GNA12: variants seen among roughly 807,000 people sequenced by gnomAD.
GNA12 encodes G protein subunit alpha 12, also known as guanine nucleotide-binding protein subunit alpha-12.
In GNA12, 9 loss-of-function variants were observed where a neutral mutation model predicts 26.0. That is an observed-to-expected ratio of 0.35 (90% CI 0.21 to 0.60). The LOEUF (loss-of-function observed/expected upper bound fraction) is 0.60. GNA12 is among the 20% of genes least tolerant of loss of function. GNA12 has a pLI of 0.78. For missense variants in GNA12, 405 were observed against 525.8 expected (o/e 0.77, Z 2.25); for synonymous variants, 264 against 219.6 (o/e 1.20, Z -1.79).
chr7:2,790,074 G>A (rs1453794992), intron 2 of GNA12, among the ~76,000 whole-genome samples: 4 of 152,120 alleles, frequency 2.6e-5, no homozygotes, highest in Admixed American at 2.0e-4. Flanking sequence ...CTGCCCTGCC[G>A]GCTGCTTTCC....
At chr7:2,780,232 T>C (rs959685407) in intron 2 of GNA12, among the ~76,000 whole-genome samples, 1 of 151,746 alleles carries the variant, frequency 6.6e-6, no homozygotes, top group Non-Finnish European at 1.5e-5. Flanking sequence ...GACAATATTC[T>C]ATCACATGGT....
At chr7:2,812,964 GAC>G (rs1431727220) in intron 1 of GNA12, among the ~76,000 whole-genome samples, 1 of 152,152 alleles carries the variant, frequency 6.6e-6, no homozygotes, top group Non-Finnish European at 1.5e-5. Flanking sequence ...TATGTTTAGA[GAC>G]AGAGTCTCGC....
At chr7:2,838,232 C>T (rs560186065) in intron 1 of GNA12, among the ~76,000 whole-genome samples, 1 of 148,186 alleles carries the variant, frequency 6.7e-6, no homozygotes, top group Non-Finnish European at 1.5e-5. Flanking sequence ...CATATGTATA[C>T]TGTAAACCTA....
At chr7:2,735,135 C>A (rs543546784) in intron 2 of GNA12, among the ~76,000 whole-genome samples, 4 of 152,130 alleles carry the variant, frequency 2.6e-5, no homozygotes, top group East Asian at 1.9e-4. Context: ...ACGACAAGTT[C>A]CTTCCTCAGC....
At chr7:2,784,054 C>G (rs1792300421) in intron 2 of GNA12, among the ~76,000 whole-genome samples, 1 of 152,070 alleles carries the variant, frequency 6.6e-6, no homozygotes, top group Non-Finnish European at 1.5e-5. Flanking sequence ...GATAACTAGT[C>G]CACTATAACT....
At chr7:2,756,603 T>A (rs1319765563) in intron 2 of GNA12, among the ~76,000 whole-genome samples, 1 of 130,726 alleles carries the variant, frequency 7.6e-6, no homozygotes, top group Non-Finnish European at 1.7e-5. Flanking sequence ...TGAGACCCTG[T>A]CTCAAACAAA....
intron 1 of GNA12, among the ~76,000 whole-genome samples, chr7:2,819,069 T>C (rs912192803): frequency 1.3e-5 from 2 of 152,154 alleles, no homozygotes; most frequent in Non-Finnish European, 2.9e-5. Flanking sequence ...GCGAGCCTGA[T>C]GGAGTCACCA....
In GNA12 at chr7:2,731,882, G is replaced by C. The variant is rs961146959; in HGVS notation, c.577-132C>G. On this transcript the variant is annotated intron_variant, in intron 3 of 3. Transcript: ENST00000275364. The surrounding 1 kb of genome is among the most constrained non-coding windows in gnomAD (Gnocchi z 6.0). ...CAACAGGTTGAACCAGAAACCAAAA[G>C]CAAATTTCATTTATAACATTATCAA... The C allele has an allele frequency of 1.9e-6, 1 of 524,510 alleles. No individual in the cohort carries two copies. Among genetic ancestry groups the C allele is most frequent in the Non-Finnish European group, 3.3e-6 (1 of 300,988 alleles). The allele number at this position is 524,510 out of a possible 1,614,324, so 32.5% of individuals were successfully genotyped here.
intron 2 of GNA12, among the ~76,000 whole-genome samples, chr7:2,770,293 A>G (rs1791916007): frequency 6.6e-6 from 1 of 152,228 alleles, no homozygotes; most frequent in Non-Finnish European, 1.5e-5. Context: ...TTATTTATAA[A>G]CATGTCCCGT....
At chr7:2,805,101 T>A (rs1396800430) in intron 1 of GNA12, among the ~76,000 whole-genome samples, 1 of 152,146 alleles carries the variant, frequency 6.6e-6, no homozygotes, top group Non-Finnish European at 1.5e-5. Flanking sequence ...GCCCAGAGCC[T>A]TTCCACAAAG....
chr7:2,800,201 A>G (rs1025104198), intron 1 of GNA12, among the ~76,000 whole-genome samples: 2 of 152,254 alleles, frequency 1.3e-5, no homozygotes, highest in African/African-American at 2.4e-5. Context: ...AAGCTCTAGG[A>G]TGTTATGTTA....
At chr7:2,787,646 C>G (rs551955162) in intron 2 of GNA12, among the ~76,000 whole-genome samples, 3 of 152,240 alleles carry the variant, frequency 2.0e-5, no homozygotes, top group Non-Finnish European at 4.4e-5. Flanking sequence ...ACAAGATAGG[C>G]TGAAGGCCGC....
At chr7:2,758,838 C>T (rs981244878) in intron 2 of GNA12, among the ~76,000 whole-genome samples, 5 of 152,124 alleles carry the variant, frequency 3.3e-5, no homozygotes, top group Non-Finnish European at 5.9e-5. Flanking sequence ...GGGTTATCAC[C>T]GCATGTATCA....
intron 1 of GNA12, among the ~76,000 whole-genome samples, chr7:2,812,783 A>C (rs79793320): frequency 0.021 from 3,123 of 151,632 alleles, 70 homozygotes; most frequent in Middle Eastern, 0.085. Flanking sequence ...TTACATTTAT[A>C]AAACTCAGCA....
intron 2 of GNA12, among the ~76,000 whole-genome samples, chr7:2,776,788 T>C (rs556348207): frequency 2.0e-5 from 3 of 152,270 alleles, no homozygotes; most frequent in Admixed American, 6.5e-5. Flanking sequence ...GTACTGTTTT[T>C]AAACCTTACG....
intron 2 of GNA12, among the ~76,000 whole-genome samples, chr7:2,782,696 C>T (rs1583277296): frequency 6.6e-6 from 1 of 150,404 alleles, no homozygotes; most frequent in East Asian, 2.0e-4. Flanking sequence ...CACTGGGTTT[C>T]TTGACTGTTT....
chr7:2,837,513 T>C (rs891880950), intron 1 of GNA12, among the ~76,000 whole-genome samples: 5 of 152,144 alleles, frequency 3.3e-5, no homozygotes, highest in African/African-American at 1.2e-4. Context: ...ATATAATAAA[T>C]GGGATGAAGC....
chr7:2,835,709 C>A, intron 1 of GNA12: 2 of 977,400 alleles, frequency 2.0e-6, no homozygotes, highest in African/African-American at 1.6e-5. Context: ...GCATGGAATA[C>A]AAGTAGAATC....
chr7:2,844,154 C>A lies in GNA12; in HGVS notation c.8G>T (p.Gly3Val). 2 of 984,718 alleles carry A rather than the reference C, an allele frequency of 2.0e-6. No homozygotes were observed. Among genetic ancestry groups the A allele is most frequent in the East Asian group, 1.1e-4 (1 of 8,782 alleles). The allele number at this position is 984,718 out of a possible 1,614,324, so 61.0% of individuals were successfully genotyped here. A position where few individuals can be genotyped will look rare whatever the true frequency, so the allele number is the denominator to read the frequency against. Reference sequence around the variant, plus strand: ...GCAGCGGCTGAGGGTCCGCACCACCCCGGACATGGCCCCTCAGGCCGCGGC... The same window carrying A: ...GCAGCGGCTGAGGGTCCGCACCACCACGGACATGGCCCCTCAGGCCGCGGC... MS[G>V]VVRTLSRCLL... is the part of the protein sequence containing the mutation. The change falls in exon 1 of 4, where the codon GGG becomes GTG. Residue 3 changes from glycine to valine, a missense_variant. Coordinates refer to ENST00000275364, the MANE Select transcript of GNA12 (RefSeq NM_007353.3).
Sources: gnomAD v4.1 joint callset for allele counts (sites outside exome capture counted in the v4.1 genomes callset) on GRCh38, gnomAD v4.1.1 for gene constraint, Gnocchi (gnomAD v3.1) non-coding constraint, MANE v1.5 for transcripts, NCBI Gene and HGNC (gene_info 2026-07-23, HGNC 2026-07-21) for gene names.